Variants in PTGER3 observed in about 807,000 individuals in gnomAD.
PTGER3 encodes prostaglandin E receptor 3, also known as prostaglandin E2 receptor EP3 subtype.
Under a neutral mutation model 34.7 loss-of-function variants are expected in PTGER3, and 22 were observed. The ratio of observed to expected loss-of-function variants is 0.63; its 90% CI spans 0.45 to 0.91. PTGER3 has a LOEUF of 0.91. PTGER3 is among the 40% of genes least tolerant of loss of function. The pLI is 0.00. For missense variants in PTGER3, 468 were observed against 519.4 expected, an observed-to-expected ratio of 0.90 and a Z score of 0.96; for synonymous variants, 241 against 230.1, an observed-to-expected ratio of 1.05 and a Z score of -0.43.
At chr1:70,903,203 A>G (rs1054175873) in intron 4 of PTGER3, among the ~76,000 whole-genome samples, 1 of 152,176 alleles carries the variant, frequency 6.6e-6, no homozygotes, top group African/African-American at 2.4e-5. Context: ...GAGGCAAGGA[A>G]TGAATTCTCT....
At chr1:70,920,443 T>A (rs1344295942) in intron 4 of PTGER3, among the ~76,000 whole-genome samples, 2 of 152,224 alleles carry the variant, frequency 1.3e-5, no homozygotes, top group Non-Finnish European at 2.9e-5. Flanking sequence ...AATATAATTT[T>A]GACAAGGTTT....
chr1:70,990,231 C>T (rs1655313450), intron 2 of PTGER3, among the ~76,000 whole-genome samples: 1 of 151,170 alleles, frequency 6.6e-6, no homozygotes. Context: ...GTGGCGGGCA[C>T]CTGTAGTCCC....
At chr1:70,926,024 C>T (rs541784423) in intron 4 of PTGER3, among the ~76,000 whole-genome samples, 1 of 152,170 alleles carries the variant, frequency 6.6e-6, no homozygotes, top group Admixed American at 6.5e-5. Flanking sequence ...GTCACTGATA[C>T]TTTTCTAGTA....
intron 2 of PTGER3, among the ~76,000 whole-genome samples, chr1:70,990,217 C>G (rs1053113385): frequency 6.6e-6 from 1 of 151,094 alleles, no homozygotes; most frequent in East Asian, 2.0e-4. Context: ...ATTAGCCAGG[C>G]GTGGTGGCGG....
chr1:70,863,655 A>G (rs1645977410), intron 4 of PTGER3, among the ~76,000 whole-genome samples: 1 of 152,168 alleles, frequency 6.6e-6, no homozygotes, highest in Non-Finnish European at 1.5e-5. Context: ...AGACTAGAAT[A>G]GAAAATATCA....
intron 4 of PTGER3, among the ~76,000 whole-genome samples, chr1:70,923,209 G>GTTTT (rs34738930): frequency 1.3e-5 from 2 of 148,812 alleles, no homozygotes; most frequent in African/African-American, 4.9e-5. Context: ...ATGGTGCTTG[G>GTTTT]TTTTTTTTTT....
chr1:70,922,366 A>C (rs1647617286), intron 4 of PTGER3, among the ~76,000 whole-genome samples: 1 of 146,378 alleles, frequency 6.8e-6, no homozygotes, highest in African/African-American at 2.5e-5. Flanking sequence ...TGAGTCATGA[A>C]AAAATTTATG....
chr1:71,007,996 C>G lies in PTGER3; in HGVS notation c.1077+4309G>C. 5.1e-6 allele frequency: 5 copies of G among 985,294 alleles called. No homozygotes were observed. In the South Asian group the frequency reaches 1.9e-4, roughly 37 times the overall value. 61.0% of individuals were successfully genotyped at this position (985,294 alleles called of 1,614,324 possible). A position where few individuals can be genotyped will look rare whatever the true frequency, so the allele number is the denominator to read the frequency against. ...TAAATTCTTCAACAAAGCAGACTTA[C>G]TACACAACAGATTCTGATCTGTTTC... On this transcript the variant is annotated intron_variant, in intron 2 of 3. Coordinates refer to ENST00000306666, the MANE Select transcript of PTGER3 (RefSeq NM_198719.2).
In PTGER3 at chr1:71,009,590, T is replaced by G. The variant is rs542992477; in HGVS notation, c.1077+2715A>C. The G allele has an allele frequency of 2.4e-4, 234 of 985,054 alleles. No individual in the cohort carries two copies. In the South Asian group the frequency reaches 7.6e-3, roughly 32 times the overall value. 61.0% of individuals were successfully genotyped at this position (985,054 alleles called of 1,614,324 possible). Reference sequence around the variant, plus strand: ...TCAGCATAGTATATAAATTCATTGTTTGGAAAATCAACACTACTTGGTAAA... The same window carrying G: ...TCAGCATAGTATATAAATTCATTGTGTGGAAAATCAACACTACTTGGTAAA... On this transcript the variant is annotated intron_variant, in intron 2 of 3. Coordinates refer to ENST00000306666, the MANE Select transcript of PTGER3 (RefSeq NM_198719.2).
At chr1:70,910,271 T>C (rs1030129762) in intron 4 of PTGER3, among the ~76,000 whole-genome samples, 2 of 152,228 alleles carry the variant, frequency 1.3e-5, no homozygotes, top group Non-Finnish European at 2.9e-5. Flanking sequence ...ACACCCAGTT[T>C]CTGCCTAAAG....
chr1:70,952,476 G>T (rs1442346497), exon 4 of PTGER3: 1 of 985,904 alleles, frequency 1.0e-6, no homozygotes, highest in Admixed American at 6.1e-5. Flanking sequence ...ACAAATAACA[G>T]ATTTTCCATT....
chr1:70,872,432 T>A (rs1008961668), intron 4 of PTGER3, among the ~76,000 whole-genome samples: 1 of 152,192 alleles, frequency 6.6e-6, no homozygotes, highest in Non-Finnish European at 1.5e-5. Flanking sequence ...TCAAACTGAA[T>A]AAAAATAATG....
intron 1 of PTGER3, among the ~76,000 whole-genome samples, chr1:71,018,240 T>C (rs1658091238): frequency 1.3e-5 from 2 of 149,740 alleles, no homozygotes; most frequent in African/African-American, 4.9e-5. Context: ...ATAGATAAAA[T>C]AGCCTAGGAA....
intron 4 of PTGER3, among the ~76,000 whole-genome samples, chr1:70,941,721 T>C (rs1384991846): frequency 2.0e-5 from 3 of 152,128 alleles, no homozygotes; most frequent in Non-Finnish European, 4.4e-5. Flanking sequence ...TCATGATGAG[T>C]CTATTTCTAA....
At chr1:70,999,725 G>A (rs1208091829) in intron 2 of PTGER3, among the ~76,000 whole-genome samples, 1 of 151,792 alleles carries the variant, frequency 6.6e-6, no homozygotes, top group Non-Finnish European at 1.5e-5. Context: ...CGGGTAAAAG[G>A]AAAAATAAAA....
At chr1:70,970,222 T>G (rs1055708741), downstream of PTGER3, among the ~76,000 whole-genome samples, 2 of 152,180 alleles carry the variant, frequency 1.3e-5, no homozygotes, top group Non-Finnish European at 2.9e-5. Context: ...CTGTACCATC[T>G]TTTGTAAAAA....
At chr1:71,006,693 T>C (rs1656998273) in intron 2 of PTGER3, 1 of 984,782 alleles carries the variant, frequency 1.0e-6, no homozygotes, top group Non-Finnish European at 1.2e-6. Context: ...GATTATGGAA[T>C]ATAAAACAAA....
intron 4 of PTGER3, among the ~76,000 whole-genome samples, chr1:70,880,698 GAAAAAAAAAAAAA>G (rs200294042): frequency 3.1e-5 from 4 of 127,672 alleles, no homozygotes; most frequent in Non-Finnish European, 5.2e-5. Context: ...AAAAAAAAAA[GAAAAAAAAAAAAA>G]AGAATGGTGA....
intron 4 of PTGER3, among the ~76,000 whole-genome samples, chr1:70,933,396 T>A (rs1648910712): frequency 6.6e-6 from 1 of 152,220 alleles, no homozygotes; most frequent in African/African-American, 2.4e-5. Context: ...AAAAAGATCA[T>A]ACCTTCTTTT....
Sources: gnomAD v4.1 joint callset for allele counts (sites outside exome capture counted in the v4.1 genomes callset) on GRCh38, gnomAD v4.1.1 for gene constraint, MANE v1.5 for transcripts, NCBI Gene and HGNC (gene_info 2026-07-23, HGNC 2026-07-21) for gene names.